Variants in SLC45A2 observed in about 807,000 individuals in gnomAD.
SLC45A2 encodes membrane-associated transporter protein.
A neutral mutation model predicts 45.5 loss-of-function variants in SLC45A2; 36 were observed. That is an observed-to-expected ratio of 0.79 (90% CI 0.61 to 1.04). The LOEUF (loss-of-function observed/expected upper bound fraction) is 1.04, where lower values mean the gene tolerates loss of function less well. SLC45A2 is among the 50% of genes least tolerant of loss of function. SLC45A2 has a pLI of 0.00. For missense variants in SLC45A2, 719 were observed against 671.0 expected, an observed-to-expected ratio of 1.07 and a Z score of -0.79; for synonymous variants, 306 against 269.3, an observed-to-expected ratio of 1.14 and a Z score of -1.33.
At chr5:33,963,400 G>T (rs2111960163) in intron 3 of SLC45A2, among the ~76,000 whole-genome samples, 1 of 152,294 alleles carries the variant, frequency 6.6e-6, no homozygotes, top group Middle Eastern at 3.4e-3. Context: ...GCCTAAGGAT[G>T]ATTTTAGGCT....
chr5:33,955,608 T>A (rs1240902767), intron 3 of SLC45A2, among the ~76,000 whole-genome samples: 1 of 151,788 alleles, frequency 6.6e-6, no homozygotes, highest in African/African-American at 2.4e-5. Context: ...GAGTTAGAAG[T>A]AAGAACAATG....
chr5:33,960,196 T>A (rs75092413), intron 3 of SLC45A2, among the ~76,000 whole-genome samples: 5,475 of 152,150 alleles, frequency 0.036, 352 homozygotes, highest in African/African-American at 0.13. Context: ...CAAGTTTATA[T>A]CAACACCAGC....
At chr5:33,947,129 T>C in intron 6 of SLC45A2, 34 bp downstream of exon 6, 1 of 1,614,216 alleles carries the variant, frequency 6.2e-7, no homozygotes, top group Non-Finnish European at 8.5e-7. Context: ...TGAGTCTGGA[T>C]GTTACCCAAG....
chr5:33,965,078 C>T (rs1488580446), intron 2 of SLC45A2, among the ~76,000 whole-genome samples: 1 of 152,214 alleles, frequency 6.6e-6, no homozygotes, highest in East Asian at 1.9e-4. Flanking sequence ...AAACGTCAAA[C>T]TCCCATCATG....
Position 33,951,680 on chromosome 5 carries a change from G to A in SLC45A2, c.1033-3C>T. 6.2e-7 allele frequency: 1 copy of A among 1,614,192 alleles called. No individual in the cohort carries two copies. The highest frequency in any genetic ancestry group is 8.5e-7 in the Non-Finnish European group (1 of 1,180,022). On this transcript the variant is annotated splice_polypyrimidine_tract_variant and splice_region_variant and intron_variant, in intron 4 of 6. Coordinates refer to ENST00000296589, the MANE Select transcript of SLC45A2 (RefSeq NM_016180.5). ...TAGGGATCCCCGCGGTACACAATCT[G>A]AAAGAGAGATTGGAGGCTGTTGAGG...
intron 2 of SLC45A2, among the ~76,000 whole-genome samples, chr5:33,974,060 T>C (rs1752857973): frequency 6.6e-6 from 1 of 152,116 alleles, no homozygotes; most frequent in African/African-American, 2.4e-5. Context: ...AAGTCTTGGG[T>C]TCAAGTAGCA....
At chr5:33,967,965 TAA>T (rs34859752) in intron 2 of SLC45A2, among the ~76,000 whole-genome samples, 31 of 133,174 alleles carry the variant, frequency 2.3e-4, no homozygotes, top group Admixed American at 2.9e-4. Context: ...GGGAAGGGGG[TAA>T]AAAAAAAAAA....
chr5:33,973,117 AAGG>A (rs1752832964), intron 2 of SLC45A2, among the ~76,000 whole-genome samples: 2 of 152,170 alleles, frequency 1.3e-5, no homozygotes, highest in African/African-American at 4.8e-5. Flanking sequence ...GTAACAAAGC[AAGG>A]AGGCCAAAAG....
Position 33,984,203 on chromosome 5 carries a change from T to A in SLC45A2, c.381A>T (p.Val127=). 6.2e-7 allele frequency: 1 copy of A among 1,613,946 alleles called. No homozygotes were observed. The part of the protein sequence containing the change: ...MALYLNGATV[V]AALIANPRRK... ...CACCTTGTGCAGCCCACTTACCTGC[T>A]ACAACAGTAGCCCCATTGAGGTACA... is the stretch of plus-strand genomic sequence containing the variant. Residue 127 remains valine, a synonymous_variant, in exon 1 of 7, where the codon GTA becomes GTT. Transcript: ENST00000296589.
At chr5:33,961,440 T>C (rs1171632443) in intron 3 of SLC45A2, among the ~76,000 whole-genome samples, 2 of 152,212 alleles carry the variant, frequency 1.3e-5, no homozygotes, top group Non-Finnish European at 2.9e-5. Context: ...ACTTATACTT[T>C]CTACAAATAT....
chr5:33,959,990 CA>C (rs972089275), intron 3 of SLC45A2, among the ~76,000 whole-genome samples: 51 of 151,596 alleles, frequency 3.4e-4, no homozygotes, highest in African/African-American at 1.2e-3. Context: ...CTATACATAG[CA>C]AAAAAAATTC....
chr5:33,978,388 AT>A (rs549745914), intron 2 of SLC45A2, among the ~76,000 whole-genome samples: 3 of 151,780 alleles, frequency 2.0e-5, no homozygotes, highest in South Asian at 2.1e-4. Context: ...TTTGTGGGGG[AT>A]TTTTTTTCCT....
intron 3 of SLC45A2, among the ~76,000 whole-genome samples, chr5:33,957,690 T>C (rs1561360931): frequency 6.6e-6 from 1 of 152,196 alleles, no homozygotes; most frequent in Non-Finnish European, 1.5e-5. Flanking sequence ...AGCCTGGTTT[T>C]CATGCCTCCA....
chr5:33,949,910 G>A (rs1020236715), intron 5 of SLC45A2, among the ~76,000 whole-genome samples: 2 of 152,020 alleles, frequency 1.3e-5, no homozygotes, highest in African/African-American at 4.8e-5. Context: ...AGGTAGGGCT[G>A]GATGTAGTGC....
chr5:33,983,010 G>A (rs1753126080), intron 1 of SLC45A2, among the ~76,000 whole-genome samples: 1 of 152,176 alleles, frequency 6.6e-6, no homozygotes, highest in South Asian at 2.1e-4. Context: ...TCGCTTGTAT[G>A]TCTTGTTAAA....
rs139557271 is a variant in SLC45A2 at position 33,979,074 on chromosome 5, T to C, written c.562+3162A>G. On this transcript the variant is annotated intron_variant, in intron 2 of 6. Coordinates refer to ENST00000296589, the MANE Select transcript of SLC45A2 (RefSeq NM_016180.5). ...ACTCTGTAAAATATTTGAAGAGATATATTCTGAGCCAAATATGAAGACCAT... is the reference window on the plus strand; with the variant it reads ...ACTCTGTAAAATATTTGAAGAGATACATTCTGAGCCAAATATGAAGACCAT... Among the ~76,000 whole-genome samples, 86 of 152,336 alleles carry C rather than the reference T, an allele frequency of 5.6e-4. No individual in the cohort carries two copies. In the East Asian group the frequency reaches 0.014, roughly 24 times the overall value.
intron 2 of SLC45A2, among the ~76,000 whole-genome samples, chr5:33,974,187 C>T (rs1752861749): frequency 6.6e-6 from 1 of 152,184 alleles, no homozygotes; most frequent in Non-Finnish European, 1.5e-5. Flanking sequence ...AGTGAAGGAT[C>T]TGTGTGGTGA....
In SLC45A2 at chr5:33,963,685, C is replaced by G. The variant is rs1752514605; in HGVS notation, c.888+6G>C. ...CCCTTGTAAAGAAAAAATGTTGCAT[C>G]TTTACCTGTTCAGCATGATTTTTGT... On this transcript the variant is annotated splice_donor_region_variant and intron_variant, in intron 3 of 6. Transcript: ENST00000296589. The G allele has an allele frequency of 1.9e-6, 3 of 1,613,574 alleles. No homozygotes were observed. Among genetic ancestry groups the G allele is most frequent in the Non-Finnish European group, 2.5e-6 (3 of 1,179,784 alleles).
At chr5:33,984,171 G>A (rs1166776943) in intron 1 of SLC45A2, 28 bp downstream of exon 1, 1 of 1,613,272 alleles carries the variant, frequency 6.2e-7, no homozygotes, top group South Asian at 1.1e-5. Context: ...ACATATCCCT[G>A]TCTGCCCACC....
Sources: allele counts gnomAD v4.1 joint callset (sites outside exome capture counted in the v4.1 genomes callset), GRCh38; gene constraint gnomAD v4.1.1; transcripts MANE v1.5; gene names NCBI Gene and HGNC (gene_info 2026-07-23, HGNC 2026-07-21).